Variants in MSI2 observed in about 807,000 individuals in gnomAD.
The protein encoded by MSI2 is musashi RNA binding protein 2.
In MSI2, 17 loss-of-function variants were observed where a neutral mutation model predicts 45.6. The ratio of observed to expected loss-of-function variants is 0.37; its 90% CI spans 0.26 to 0.56. MSI2 has a LOEUF of 0.56. Ranked by LOEUF, MSI2 falls within the 20% of genes least tolerant of loss-of-function variation. The pLI is 0.77. For synonymous variants in MSI2, 156 were observed against 158.2 expected (o/e 0.99, Z 0.11); for missense variants, 293 against 444.2 (o/e 0.66, Z 3.06).
At chr17:57,502,086 C>T (rs1288501032) in intron 6 of MSI2, among the ~76,000 whole-genome samples, 1 of 152,076 alleles carries the variant, frequency 6.6e-6, no homozygotes, top group Middle Eastern at 3.2e-3. Context: ...CTCAGAAGGG[C>T]CCACCAGCGA....
chr17:57,650,146 A>G (rs1911022867), intron 10 of MSI2, among the ~76,000 whole-genome samples: 1 of 151,862 alleles, frequency 6.6e-6, no homozygotes. Flanking sequence ...AAATGCACTC[A>G]ATTCCAGAAA....
chr17:57,258,324 T>A lies in MSI2; in HGVS notation c.240T>A (p.Gly80=). 1 of 1,614,150 alleles carries A rather than the reference T, an allele frequency of 6.2e-7. No homozygotes were observed. The highest frequency in any genetic ancestry group is 8.5e-7 in the Non-Finnish European group (1 of 1,180,014). The change falls in exon 4 of 14, where the codon GGT becomes GGA. Residue 80 remains glycine, a synonymous_variant. Coordinates refer to ENST00000284073, the MANE Select transcript of MSI2 (RefSeq NM_138962.4). ...CAGCAAGTGTAGATAAAGTATTAGG[T>A]CAGCCCCACCATGAGTTAGATTCCA... The part of the protein sequence containing the change: ...ADPASVDKVL[G]QPHHELDSKT...
rs1260361864 is a variant in MSI2, at chr17:57,681,380, T to C, written c.*1863T>C. Reference sequence around the variant, plus strand: ...ATGTGATATTGACGTTTTATTAATATTTTTTAAATTGTTACGTTTATAAAT... The same window carrying C: ...ATGTGATATTGACGTTTTATTAATACTTTTTAAATTGTTACGTTTATAAAT... On this transcript the variant is annotated 3_prime_UTR_variant, in exon 14 of 14. Coordinates refer to ENST00000284073, the MANE Select transcript of MSI2 (RefSeq NM_138962.4). 1 of 179,368 alleles carries C rather than the reference T, an allele frequency of 5.6e-6. No individual in the cohort carries two copies. Among genetic ancestry groups the C allele is most frequent in the Non-Finnish European group, 1.2e-5 (1 of 83,760 alleles). The allele number at this position is 179,368 out of a possible 1,614,324, so 11.1% of individuals were successfully genotyped here.
chr17:57,668,067 C>T (rs149601260), intron 11 of MSI2, among the ~76,000 whole-genome samples: 172 of 152,206 alleles, frequency 1.1e-3, no homozygotes, highest in African/African-American at 3.5e-3. Context: ...GATTTGATGC[C>T]GCACACCTGT....
chr17:57,616,327 T>C (rs981504292), intron 9 of MSI2: 2 of 366,116 alleles, frequency 5.5e-6, no homozygotes, highest in Non-Finnish European at 9.8e-6. Context: ...TATTGCCCCA[T>C]GCCTGGCTTA....
chr17:57,531,588 G>T (rs2086822739), intron 7 of MSI2, among the ~76,000 whole-genome samples: 1 of 152,204 alleles, frequency 6.6e-6, no homozygotes, highest in African/African-American at 2.4e-5. Context: ...TTGGCACCTG[G>T]TGTTCAGTGT....
intron 12 of MSI2, among the ~76,000 whole-genome samples, chr17:57,675,923 G>A (rs1913197894): frequency 6.6e-6 from 1 of 152,192 alleles, no homozygotes; most frequent in Admixed American, 6.5e-5. Flanking sequence ...CCCGGTGTGT[G>A]TGAGCATGAA....
rs755231171 is a variant in MSI2, at chr17:57,631,780, T to C, written c.727+4477T>C. Reference sequence around the variant, plus strand: ...TAATCTGTTAATTTCTGTTCTTATTTCACTTTGCAGACTATTTGCCGGTTT... The same window carrying C: ...TAATCTGTTAATTTCTGTTCTTATTCCACTTTGCAGACTATTTGCCGGTTT... On this transcript the variant is annotated intron_variant, in intron 10 of 13. Transcript: ENST00000284073. The C allele has an allele frequency of 3.5e-5, 56 of 1,609,220 alleles. No individual in the cohort carries two copies. The highest frequency in any genetic ancestry group is 4.7e-5 in the Non-Finnish European group (55 of 1,176,098).
At chr17:57,369,726 G>A (rs703860) in intron 5 of MSI2, among the ~76,000 whole-genome samples, 113,228 of 152,160 alleles carry the variant, frequency 0.74, 42,664 homozygotes, top group African/African-American at 0.85. Context: ...TAATGGTCAC[G>A]CTGTTCCTGT....
In MSI2 at chr17:57,486,607, T is replaced by G. The variant is rs58304700; in HGVS notation, c.406-43069T>G. On this transcript the variant is annotated intron_variant, in intron 6 of 13. Transcript: ENST00000284073. Reference sequence around the variant, plus strand: ...TCTTCCTTGTATGTGTTTGGAAAGCTTATTCACTGGTGGTCAGGCTTCTTG... The same window carrying G: ...TCTTCCTTGTATGTGTTTGGAAAGCGTATTCACTGGTGGTCAGGCTTCTTG... Among the ~76,000 whole-genome samples, 1,250 of 152,352 alleles carry G rather than the reference T, an allele frequency of 8.2e-3. 16 individuals are homozygous for G. The highest frequency in any genetic ancestry group is 0.029 in the African/African-American group (1,203 of 41,568).
chr17:57,445,941 G>A (rs1166458595), intron 6 of MSI2, among the ~76,000 whole-genome samples: 1 of 152,186 alleles, frequency 6.6e-6, no homozygotes, highest in Non-Finnish European at 1.5e-5. Context: ...AAATGTTTAG[G>A]AATGCCCTGT....
intron 7 of MSI2, among the ~76,000 whole-genome samples, chr17:57,581,043 C>G (rs573880725): frequency 1.4e-5 from 1 of 68,982 alleles, no homozygotes; most frequent in African/African-American, 4.9e-5. Flanking sequence ...GACACAGTCT[C>G]GCTTTGTCAC....
intron 5 of MSI2, among the ~76,000 whole-genome samples, chr17:57,390,846 G>T (rs1018858819): frequency 6.6e-6 from 1 of 152,138 alleles, no homozygotes; most frequent in Non-Finnish European, 1.5e-5. Flanking sequence ...TTAAGTTGTG[G>T]TGTATCCGAG....
intron 6 of MSI2, among the ~76,000 whole-genome samples, chr17:57,497,266 T>C (rs1466548461): frequency 6.6e-6 from 1 of 152,190 alleles, no homozygotes; most frequent in African/African-American, 2.4e-5. Context: ...CATGAGCCAC[T>C]GCACCCAGCC....
chr17:57,478,020 C>T (rs1347752212), intron 6 of MSI2, among the ~76,000 whole-genome samples: 3 of 152,188 alleles, frequency 2.0e-5, no homozygotes, highest in Admixed American at 6.5e-5. Context: ...GTAAATTAAG[C>T]ATGTAGAGAG....
intron 6 of MSI2, among the ~76,000 whole-genome samples, chr17:57,474,390 C>T (rs897114638): frequency 1.3e-5 from 2 of 152,164 alleles, no homozygotes; most frequent in Non-Finnish European, 2.9e-5. Context: ...AGACCAGGCT[C>T]CAAGCCAGGG....
chr17:57,457,141 G>A (rs2085131133), intron 6 of MSI2, among the ~76,000 whole-genome samples: 1 of 152,200 alleles, frequency 6.6e-6, no homozygotes, highest in South Asian at 2.1e-4. Flanking sequence ...AAGAAGAGGT[G>A]GAGATGTTAG....
intron 5 of MSI2, among the ~76,000 whole-genome samples, chr17:57,328,636 G>C (rs538020005): frequency 1.4e-4 from 21 of 152,106 alleles, no homozygotes; most frequent in Non-Finnish European, 2.2e-4. Context: ...ATGCTCCATT[G>C]TATAGATATA....
intron 10 of MSI2, among the ~76,000 whole-genome samples, chr17:57,646,065 C>T (rs1012823904): frequency 6.6e-6 from 1 of 152,170 alleles, no homozygotes; most frequent in African/African-American, 2.4e-5. Flanking sequence ...AGCCCATACC[C>T]TCATCCACTG....
Sources: allele counts gnomAD v4.1 joint callset (sites outside exome capture counted in the v4.1 genomes callset), GRCh38; gene constraint gnomAD v4.1.1; transcripts MANE v1.5; gene names NCBI Gene and HGNC (gene_info 2026-07-23, HGNC 2026-07-21).